FBN1: variants seen among roughly 807,000 people sequenced by gnomAD.
FBN1 encodes the protein fibrillin-1.
FBN1 carries 29 observed loss-of-function variants against 365.1 expected under a neutral mutation model. That is an observed-to-expected ratio of 0.08 (90% confidence interval 0.06 to 0.11). The LOEUF (loss-of-function observed/expected upper bound fraction) is 0.11, where lower values mean the gene tolerates loss of function less well. Among genes scored for constraint, FBN1 ranks in the 10% least tolerant of loss-of-function variants. FBN1 has a pLI of 1.00. For missense variants in FBN1, 2,476 were observed against 3,703.2 expected (o/e 0.67, Z 8.60); for synonymous variants, 1,210 against 1,270.5 (o/e 0.95, Z 1.01).
At position 48,445,383 on chromosome 15, in the gene FBN1, G is replaced by A. The variant is rs1473366497; in HGVS notation, c.5910C>T (p.Thr1970=). The change falls in exon 48 of 66, where the codon ACC becomes ACT. Residue 1970 remains threonine, a synonymous_variant. Transcript: ENST00000316623. ...TCTAAGTCCTGTACTTACCCACACA[G>A]GTCCTCCCATCTGGAGCCACCTCAT... is the stretch of plus-strand genomic sequence containing the variant. ...EGYEVAPDGR[T]CVDINECLLE... The A allele has an allele frequency of 1.2e-6, 2 of 1,612,384 alleles. No homozygotes were observed. The highest frequency in any genetic ancestry group is 1.7e-6 in the Non-Finnish European group (2 of 1,179,112).
intron 36 of FBN1, among the ~76,000 whole-genome samples, chr15:48,469,416 T>C (rs1232149927): frequency 6.6e-6 from 1 of 151,942 alleles, no homozygotes; most frequent in Non-Finnish European, 1.5e-5. Flanking sequence ...CCATGCTGAG[T>C]TGAATATTTC....
chr15:48,450,841 A>G (rs935470564), intron 45 of FBN1, among the ~76,000 whole-genome samples: 15 of 151,944 alleles, frequency 9.9e-5, no homozygotes, highest in African/African-American at 3.4e-4. Flanking sequence ...CAGATGCACA[A>G]AGGAGTACTT....
At chr15:48,494,128 G>A in intron 23 of FBN1, 76 bp downstream of exon 23, 1 of 1,168,588 alleles carries the variant, frequency 8.6e-7, no homozygotes, top group Non-Finnish European at 1.3e-6. Flanking sequence ...TTATATGACA[G>A]CTTTATCCAG....
chr15:48,520,947 G>C (rs542363459), intron 9 of FBN1, 130 bp from the exon 10 acceptor site: 1 of 1,256,694 alleles, frequency 8.0e-7, no homozygotes, highest in Non-Finnish European at 1.1e-6. Flanking sequence ...TCTGCCCCCC[G>C]GAAGGGAAGC....
At chr15:48,421,900 C>T (rs2042945210) in intron 61 of FBN1, 52 bp downstream of exon 61, 3 of 1,405,306 alleles carry the variant, frequency 2.1e-6, no homozygotes, top group African/African-American at 2.8e-5. Context: ...AGAAAATAAT[C>T]CCTTAAAAGA....
At position 48,411,357 on chromosome 15, in the gene FBN1, T is replaced by C. The variant is rs763816801; in HGVS notation, c.8249A>G (p.Asn2750Ser). The change falls in exon 66 of 66, where the codon AAT (asparagine) becomes AGT (serine). Residue 2750 changes from asparagine to serine, a missense_variant. Transcript: ENST00000316623. The stretch of plus-strand genomic sequence containing the variant: ...AACATCCCAACTTGCAAGACTCACA[T>C]TGGCTTCTGTCTCAGACTGATCCTG... ...NIEDQSETEA[N>S]VSLASWDVEK... is the part of the protein sequence containing the mutation. 3.1e-6 allele frequency: 5 copies of C among 1,614,074 alleles called. No homozygotes were observed. The highest frequency in any genetic ancestry group is 4.2e-6 in the Non-Finnish European group (5 of 1,180,000).
intron 42 of FBN1, among the ~76,000 whole-genome samples, chr15:48,461,294 T>A (rs1364166052): frequency 1.3e-5 from 2 of 152,148 alleles, no homozygotes; most frequent in African/African-American, 4.8e-5. Flanking sequence ...AAATCTTGCA[T>A]TTTACACAAG....
At chr15:48,601,851 C>G (rs1361347756) in intron 4 of FBN1, among the ~76,000 whole-genome samples, 1 of 152,122 alleles carries the variant, frequency 6.6e-6, no homozygotes, top group African/African-American at 2.4e-5. Flanking sequence ...CACTGAAACA[C>G]CATCAAAGGC....
intron 9 of FBN1, among the ~76,000 whole-genome samples, chr15:48,525,714 A>G (rs972582200): frequency 6.6e-6 from 1 of 152,206 alleles, no homozygotes; most frequent in Non-Finnish European, 1.5e-5. Context: ...AAATCTGACA[A>G]GATGGATTGT....
intron 5 of FBN1, among the ~76,000 whole-genome samples, 194 bp from the exon 6 acceptor site, chr15:48,596,572 G>A (rs1240202162): frequency 6.6e-6 from 1 of 152,220 alleles, no homozygotes; most frequent in African/African-American, 2.4e-5. Flanking sequence ...TGGAATAGAT[G>A]AGTTTGTATC....
intron 6 of FBN1, among the ~76,000 whole-genome samples, chr15:48,573,427 A>C (rs1188490627): frequency 1.3e-5 from 2 of 152,242 alleles, no homozygotes; most frequent in Non-Finnish European, 2.9e-5. Context: ...AATAAATTGT[A>C]AATTAAACAA....
chr15:48,488,591 T>A, intron 25 of FBN1, 98 bp from the exon 26 acceptor site: 1 of 1,408,144 alleles, frequency 7.1e-7, no homozygotes, highest in Non-Finnish European at 9.8e-7. Context: ...TTGGAAGTTC[T>A]TGATTTAAGG....
At chr15:48,482,144 C>T (rs935345802) in intron 31 of FBN1, among the ~76,000 whole-genome samples, 1 of 152,164 alleles carries the variant, frequency 6.6e-6, no homozygotes, top group African/African-American at 2.4e-5. Flanking sequence ...ATTTAGTTTT[C>T]ATATTTTGAA....
At chr15:48,420,230 A>G (rs1273855790) in intron 63 of FBN1, among the ~76,000 whole-genome samples, 1 of 152,174 alleles carries the variant, frequency 6.6e-6, no homozygotes, top group East Asian at 1.9e-4. Flanking sequence ...ACAAAAAAAC[A>G]CAACCTTGCT....
chr15:48,599,823 A>T (rs2044548106), intron 5 of FBN1, among the ~76,000 whole-genome samples: 2 of 152,188 alleles, frequency 1.3e-5, no homozygotes, highest in Non-Finnish European at 2.9e-5. Flanking sequence ...AAGTGGGTGG[A>T]AGGTATGTGT....
Position 48,474,786 on chromosome 15 carries a change from A to G in FBN1, c.3965-136T>C. 4 of 973,066 alleles carry G rather than the reference A, an allele frequency of 4.1e-6. 1 individual carries two copies. In the South Asian group the frequency reaches 4.2e-5, roughly 10 times the overall value. The allele number at this position is 973,066 out of a possible 1,614,324, so 60.3% of individuals were successfully genotyped here. A position where few individuals can be genotyped will look rare whatever the true frequency, so the allele number is the denominator to read the frequency against. ...ATAGACTGGTTTTGCATCCATATAT[A>G]AACTCTACATATATCAAACAGCTTT... is the stretch of plus-strand genomic sequence containing the variant. On this transcript the variant is annotated intron_variant, in intron 32 of 65. Transcript: ENST00000316623.
At chr15:48,597,242 C>A (rs1008734181) in intron 5 of FBN1, among the ~76,000 whole-genome samples, 6 of 152,188 alleles carry the variant, frequency 3.9e-5, no homozygotes, top group Non-Finnish European at 7.3e-5. Flanking sequence ...GCCACTCATA[C>A]TTTCCCTCAA....
At chr15:48,596,457 G>T in intron 5 of FBN1, 79 bp from the exon 6 acceptor site, 1 of 1,351,780 alleles carries the variant, frequency 7.4e-7, no homozygotes, top group Non-Finnish European at 1.1e-6. Context: ...CCTCTGGAAG[G>T]ACAACAATAA....
At chr15:48,518,595 T>A (rs2043824575) in intron 10 of FBN1, among the ~76,000 whole-genome samples, 1 of 152,222 alleles carries the variant, frequency 6.6e-6, no homozygotes, top group South Asian at 2.1e-4. Flanking sequence ...GGAAACTGTA[T>A]CAGACTGAAT....
Sources: allele counts gnomAD v4.1 joint callset (sites outside exome capture counted in the v4.1 genomes callset), GRCh38; gene constraint gnomAD v4.1.1; transcripts MANE v1.5; gene names NCBI Gene and HGNC (gene_info 2026-07-23, HGNC 2026-07-21).